The following LRRC4C variants were observed in gnomAD, a reference collection of about 807,000 sequenced individuals.
The protein encoded by LRRC4C is leucine-rich repeat-containing protein 4C.
A neutral mutation model predicts 33.6 loss-of-function variants in LRRC4C; 5 were observed. The observed-to-expected ratio is 0.15, with a 90% CI of 0.08 to 0.31. The LOEUF (loss-of-function observed/expected upper bound fraction) is 0.31, where lower values mean the gene tolerates loss of function less well. LRRC4C is among the 10% of genes least tolerant of loss of function. LRRC4C has a pLI of 1.00. For synonymous variants in LRRC4C, 329 were observed against 302.0 expected, an observed-to-expected ratio of 1.09 and a Z score of -0.93; for missense variants, 560 against 796.7, an observed-to-expected ratio of 0.70 and a Z score of 3.58.
chr11:40,634,820 T>G, intron 3 of LRRC4C, among the ~76,000 whole-genome samples: 1 of 152,030 alleles, frequency 6.6e-6, no homozygotes, highest in East Asian at 1.9e-4. Flanking sequence ...AGTCCAGGGA[T>G]TTGAAATTAC....
intron 4 of LRRC4C, among the ~76,000 whole-genome samples, chr11:40,263,969 C>T (rs1942057365): frequency 6.6e-6 from 1 of 152,102 alleles, no homozygotes; most frequent in South Asian, 2.1e-4. Context: ...CCCAGTCCTC[C>T]TAAGAAAGCA....
intron 2 of LRRC4C, among the ~76,000 whole-genome samples, chr11:40,736,485 T>A (rs540984135): frequency 6.6e-6 from 1 of 152,274 alleles, no homozygotes; most frequent in Non-Finnish European, 1.5e-5. Context: ...CGTGTGCATG[T>A]GTTTTTGCAG....
At chr11:41,423,217 G>T (rs2138342521) in intron 1 of LRRC4C, among the ~76,000 whole-genome samples, 1 of 152,084 alleles carries the variant, frequency 6.6e-6, no homozygotes, top group South Asian at 2.1e-4. Flanking sequence ...TGGATTATTT[G>T]GAGACCCATG....
At chr11:41,059,716 C>G (rs1858926349) in intron 1 of LRRC4C, among the ~76,000 whole-genome samples, 1 of 152,098 alleles carries the variant, frequency 6.6e-6, no homozygotes, top group Admixed American at 6.6e-5. Flanking sequence ...CTTAGGTAGG[C>G]AGCAGTGGAC....
intron 1 of LRRC4C, among the ~76,000 whole-genome samples, chr11:41,278,891 GTGAC>G (rs1949566648): frequency 6.6e-6 from 1 of 152,132 alleles, no homozygotes; most frequent in South Asian, 2.1e-4. Context: ...TAAATTACAT[GTGAC>G]TGACTTTTGG....
chr11:41,259,238 C>T (rs6485261), intron 1 of LRRC4C, among the ~76,000 whole-genome samples: 94,913 of 151,764 alleles, frequency 0.63, 30,650 homozygotes, highest in African/African-American at 0.79. Context: ...CTCTTTCCCA[C>T]ATAAAGAACA....
chr11:41,428,056 G>A (rs1464058646), intron 1 of LRRC4C, among the ~76,000 whole-genome samples: 1 of 152,088 alleles, frequency 6.6e-6, no homozygotes, highest in Non-Finnish European at 1.5e-5. Context: ...CCTGCACCCA[G>A]GTGAAATAAA....
At chr11:40,569,162 A>G (rs1957877773) in intron 3 of LRRC4C, among the ~76,000 whole-genome samples, 1 of 152,174 alleles carries the variant, frequency 6.6e-6, no homozygotes, top group Non-Finnish European at 1.5e-5. Flanking sequence ...CACACCTTTC[A>G]GGCCTTACCA....
intron 2 of LRRC4C, among the ~76,000 whole-genome samples, chr11:40,767,321 A>G (rs1279592869): frequency 2.0e-5 from 3 of 152,134 alleles, no homozygotes; most frequent in African/African-American, 7.2e-5. Flanking sequence ...ACCCAGATAT[A>G]TAAAGCAAAT....
intron 1 of LRRC4C, among the ~76,000 whole-genome samples, chr11:40,993,288 T>G (rs1853717666): frequency 6.6e-6 from 1 of 152,198 alleles, no homozygotes; most frequent in Non-Finnish European, 1.5e-5. Flanking sequence ...TTTCTGTTTT[T>G]AAGTTTGCTT....
chr11:41,247,681 AT>A (rs1259405745), intron 1 of LRRC4C, among the ~76,000 whole-genome samples: 1 of 152,066 alleles, frequency 6.6e-6, no homozygotes, highest in African/African-American at 2.4e-5. Flanking sequence ...AGAAGGGAAC[AT>A]TTGTCTGCAT....
intron 3 of LRRC4C, among the ~76,000 whole-genome samples, chr11:40,320,706 A>G (rs1945800905): frequency 6.6e-6 from 1 of 152,158 alleles, no homozygotes; most frequent in Non-Finnish European, 1.5e-5. Context: ...ATTGCTCCAC[A>G]TATAAAACAA....
At chr11:40,457,113 AAAG>A (rs750310525) in intron 3 of LRRC4C, among the ~76,000 whole-genome samples, 1 of 140,138 alleles carries the variant, frequency 7.1e-6, no homozygotes, top group Non-Finnish European at 1.5e-5. Context: ...GAAAAAAAAA[AAAG>A]AAAAAAAAAA....
chr11:40,858,745 C>T (rs1953931280), intron 2 of LRRC4C, among the ~76,000 whole-genome samples: 1 of 131,694 alleles, frequency 7.6e-6, no homozygotes, highest in African/African-American at 2.8e-5. Context: ...GTCCCAAAGA[C>T]ATTGGGACTA....
chr11:41,151,667 G>C (rs530249145), intron 1 of LRRC4C, among the ~76,000 whole-genome samples: 40 of 152,152 alleles, frequency 2.6e-4, no homozygotes, highest in Middle Eastern at 3.4e-3. Flanking sequence ...TGTCCCTCTG[G>C]CATGTACAGT....
intron 1 of LRRC4C, among the ~76,000 whole-genome samples, chr11:40,950,687 C>A (rs1358691848): frequency 1.3e-5 from 2 of 151,914 alleles, no homozygotes; most frequent in Non-Finnish European, 2.9e-5. Flanking sequence ...GTATAAATAA[C>A]AAATAATACT....
intron 2 of LRRC4C, among the ~76,000 whole-genome samples, chr11:40,932,189 G>A (rs910681039): frequency 3.9e-5 from 6 of 152,170 alleles, no homozygotes; most frequent in Middle Eastern, 3.4e-3. Flanking sequence ...TTTAAGCAGT[G>A]CTTGAAGCAA....
At chr11:40,436,905 G>A (rs1309335982) in intron 3 of LRRC4C, among the ~76,000 whole-genome samples, 2 of 152,176 alleles carry the variant, frequency 1.3e-5, no homozygotes, top group African/African-American at 4.8e-5. Context: ...TGTTAGAGAT[G>A]TAAAGGAAGA....
At chr11:40,634,760 T>TA (rs1963805984) in intron 3 of LRRC4C, among the ~76,000 whole-genome samples, 1 of 151,912 alleles carries the variant, frequency 6.6e-6, no homozygotes, top group African/African-American at 2.4e-5. Context: ...TGCATGCCTG[T>TA]AGTCTCAGCT....
Sources: gnomAD v4.1 joint callset for allele counts (sites outside exome capture counted in the v4.1 genomes callset) on GRCh38, gnomAD v4.1.1 for gene constraint, MANE v1.5 for transcripts, NCBI Gene and HGNC (gene_info 2026-07-23, HGNC 2026-07-21) for gene names.